MYO3B: variants seen among roughly 807,000 people sequenced by gnomAD.
The protein encoded by MYO3B is myosin IIIB.
Under a neutral mutation model 174.6 loss-of-function variants are expected in MYO3B, and 156 were observed. The ratio of observed to expected loss-of-function variants is 0.89; its 90% CI spans 0.78 to 1.02. MYO3B has a LOEUF of 1.02. Ranked by LOEUF, MYO3B falls within the 50% of genes least tolerant of loss-of-function variation. The pLI, the probability that MYO3B is intolerant of heterozygous loss-of-function variation, is 0.00. For synonymous variants in MYO3B, 563 were observed against 569.1 expected (o/e 0.99, Z 0.15); for missense variants, 1,632 against 1,639.4 (o/e 1.00, Z 0.08).
chr2:170,336,921 G>A (rs2093950596), intron 8 of MYO3B, among the ~76,000 whole-genome samples: 1 of 151,758 alleles, frequency 6.6e-6, no homozygotes, highest in Non-Finnish European at 1.5e-5. Flanking sequence ...AAGGGGAGTG[G>A]AAAAGAACTC....
At chr2:170,341,713 AT>A (rs1420306139) in intron 8 of MYO3B, among the ~76,000 whole-genome samples, 6 of 152,212 alleles carry the variant, frequency 3.9e-5, no homozygotes, top group Admixed American at 3.9e-4. Context: ...CAATATACTT[AT>A]AAATGCAACT....
At chr2:170,379,728 G>T (rs1436307867) in intron 9 of MYO3B, among the ~76,000 whole-genome samples, 1 of 149,908 alleles carries the variant, frequency 6.7e-6, no homozygotes, top group Non-Finnish European at 1.5e-5. Context: ...ATTTTAAACT[G>T]CTTAGGTTAT....
intron 32 of MYO3B, among the ~76,000 whole-genome samples, chr2:170,595,077 C>T (rs917782340): frequency 2.6e-5 from 4 of 152,088 alleles, no homozygotes; most frequent in African/African-American, 9.7e-5. Flanking sequence ...CTGGCTCTGA[C>T]ATCGAGCCAT....
chr2:170,572,878 G>A (rs1692532298), intron 32 of MYO3B, among the ~76,000 whole-genome samples: 1 of 152,110 alleles, frequency 6.6e-6, no homozygotes, highest in South Asian at 2.1e-4. Flanking sequence ...AAAATATTAT[G>A]AGAAATAATT....
chr2:170,258,727 C>T (rs1031568596), intron 7 of MYO3B, among the ~76,000 whole-genome samples: 13 of 151,898 alleles, frequency 8.6e-5, no homozygotes, highest in Admixed American at 1.3e-4. Flanking sequence ...GAGGAGAAAA[C>T]GAAATAAAAG....
intron 30 of MYO3B, 23 bp from the exon 31 acceptor site, chr2:170,542,883 T>A: frequency 6.4e-7 from 1 of 1,560,324 alleles, no homozygotes; most frequent in Non-Finnish European, 8.7e-7. Context: ...CTTTTAAAAT[T>A]ATTATTATTG....
At chr2:170,484,520 G>A (rs1338085009) in intron 25 of MYO3B, among the ~76,000 whole-genome samples, 2 of 152,014 alleles carry the variant, frequency 1.3e-5, no homozygotes, top group Admixed American at 6.5e-5. Context: ...CTCTTTAGGG[G>A]CCTCTCATTT....
intron 7 of MYO3B, among the ~76,000 whole-genome samples, chr2:170,302,996 C>T (rs1236580952): frequency 6.6e-6 from 1 of 152,164 alleles, no homozygotes; most frequent in African/African-American, 2.4e-5. Context: ...CTGAAACAAA[C>T]ATGCCGCATT....
intron 14 of MYO3B, 40 bp downstream of exon 14, chr2:170,387,348 TA>T: frequency 1.3e-6 from 2 of 1,577,710 alleles, no homozygotes; most frequent in South Asian, 2.2e-5. Context: ...TGCCCTGCAG[TA>T]AAAACTGGGA....
intron 8 of MYO3B, among the ~76,000 whole-genome samples, chr2:170,346,640 A>G: frequency 6.6e-6 from 1 of 152,158 alleles, no homozygotes; most frequent in East Asian, 1.9e-4. Flanking sequence ...CTCCTCCTCA[A>G]CCAACTGCAC....
intron 22 of MYO3B, among the ~76,000 whole-genome samples, chr2:170,431,080 T>G (rs1022417382): frequency 2.3e-4 from 35 of 152,190 alleles, no homozygotes; most frequent in African/African-American, 8.2e-4. Context: ...CATGTGTATG[T>G]GGCTTTTATT....
intron 32 of MYO3B, among the ~76,000 whole-genome samples, chr2:170,548,617 G>A (rs1690690744): frequency 6.6e-6 from 1 of 152,194 alleles, no homozygotes; most frequent in Non-Finnish European, 1.5e-5. Flanking sequence ...CAAGAAATGA[G>A]ATAGTCTGTG....
At chr2:170,287,544 C>A (rs1446283952) in intron 7 of MYO3B, among the ~76,000 whole-genome samples, 1 of 151,758 alleles carries the variant, frequency 6.6e-6, no homozygotes, top group East Asian at 1.9e-4. Context: ...TGAGAAGTGT[C>A]TCTTCATATG....
intron 7 of MYO3B, among the ~76,000 whole-genome samples, chr2:170,280,945 C>T (rs1239460130): frequency 1.3e-5 from 2 of 151,934 alleles, no homozygotes; most frequent in Non-Finnish European, 2.9e-5. Flanking sequence ...CTTAGGAGTG[C>T]CTTGGCTATT....
At chr2:170,374,932 A>G (rs1235400627) in intron 9 of MYO3B, among the ~76,000 whole-genome samples, 1 of 152,176 alleles carries the variant, frequency 6.6e-6, no homozygotes, top group Non-Finnish European at 1.5e-5. Flanking sequence ...AAGTTTTTCC[A>G]GTAAATTATA....
intron 32 of MYO3B, among the ~76,000 whole-genome samples, chr2:170,581,804 CAAT>C (rs1330973464): frequency 6.6e-6 from 1 of 152,030 alleles, no homozygotes; most frequent in East Asian, 1.9e-4. Flanking sequence ...ACTGTATATA[CAAT>C]AATAACATCA....
chr2:170,334,292 A>T (rs897896271), intron 7 of MYO3B: 2 of 152,254 alleles, frequency 1.3e-5, no homozygotes, highest in African/African-American at 4.8e-5. Context: ...TGTAATCTTT[A>T]TTACGGCAGC....
chr2:170,475,109 A>G (rs993817767), intron 25 of MYO3B, among the ~76,000 whole-genome samples: 3 of 152,132 alleles, frequency 2.0e-5, no homozygotes, highest in African/African-American at 4.8e-5. Context: ...ATTCTGGCCC[A>G]GTTTGAATTT....
chr2:170,384,543 G>A (rs1558946749), intron 12 of MYO3B, among the ~76,000 whole-genome samples: 1 of 152,140 alleles, frequency 6.6e-6, no homozygotes, highest in Non-Finnish European at 1.5e-5. Flanking sequence ...GGTTTGTTGA[G>A]TAATAGATGA....
Sources: gnomAD v4.1 joint callset for allele counts (sites outside exome capture counted in the v4.1 genomes callset) on GRCh38, gnomAD v4.1.1 for gene constraint, MANE v1.5 for transcripts, NCBI Gene and HGNC (gene_info 2026-07-23, HGNC 2026-07-21) for gene names.